SMG6: variants seen among roughly 807,000 people sequenced by gnomAD.
SMG6 encodes telomerase-binding protein EST1A.
In SMG6, 66 loss-of-function variants were observed where a neutral mutation model predicts 142.2. The ratio of observed to expected loss-of-function variants is 0.46; its 90% CI spans 0.38 to 0.57. The LOEUF (loss-of-function observed/expected upper bound fraction) is 0.57, where lower values mean the gene tolerates loss of function less well. Ranked by LOEUF, SMG6 falls within the 20% of genes least tolerant of loss-of-function variation. The pLI, the probability that SMG6 is intolerant of heterozygous loss-of-function variation, is 0.00. For missense variants in SMG6, 1,793 were observed against 1,832.0 expected (o/e 0.98, Z 0.39); for synonymous variants, 779 against 702.4 (o/e 1.11, Z -1.72).
intron 10 of SMG6, among the ~76,000 whole-genome samples, chr17:2,189,035 C>T (rs2072080790): frequency 1.3e-5 from 2 of 152,210 alleles, no homozygotes; most frequent in African/African-American, 4.8e-5. Context: ...TTACTTCCTC[C>T]ATGTCCCTCC....
At chr17:2,231,400 T>C (rs928718027) in intron 10 of SMG6, among the ~76,000 whole-genome samples, 1 of 152,112 alleles carries the variant, frequency 6.6e-6, no homozygotes, top group African/African-American at 2.4e-5. Flanking sequence ...ACTAACACCA[T>C]TCAAAGCAAG....
At chr17:2,165,754 A>T (rs938671154) in intron 13 of SMG6, among the ~76,000 whole-genome samples, 7 of 152,130 alleles carry the variant, frequency 4.6e-5, no homozygotes, top group African/African-American at 1.7e-4. Context: ...AAGTAAAAAT[A>T]ATTAGCCAGG....
chr17:2,221,950 G>T (rs1316339428), intron 10 of SMG6, among the ~76,000 whole-genome samples: 1 of 152,214 alleles, frequency 6.6e-6, no homozygotes, highest in African/African-American at 2.4e-5. Flanking sequence ...GGCCAGGCTG[G>T]TCTTGAATTC....
At chr17:2,090,744 C>G (rs1006784442) in intron 13 of SMG6, among the ~76,000 whole-genome samples, 1 of 152,196 alleles carries the variant, frequency 6.6e-6, no homozygotes. Flanking sequence ...ACACGGGTTT[C>G]CCCCCACAAA....
At chr17:2,279,136 G>A (rs764751096) in intron 8 of SMG6, among the ~76,000 whole-genome samples, 3 of 152,170 alleles carry the variant, frequency 2.0e-5, no homozygotes, top group Non-Finnish European at 2.9e-5. Context: ...ATCAGGAAAC[G>A]CTTCCTTGAA....
intron 10 of SMG6, among the ~76,000 whole-genome samples, chr17:2,227,957 G>C (rs2073365436): frequency 1.3e-5 from 2 of 152,172 alleles, no homozygotes; most frequent in Admixed American, 1.3e-4. Context: ...AACATGGACA[G>C]AACTCGCAAA....
chr17:2,258,615 CAA>C (rs2074245718), intron 8 of SMG6, among the ~76,000 whole-genome samples: 1 of 51,958 alleles, frequency 1.9e-5, no homozygotes, highest in Non-Finnish European at 3.5e-5. Context: ...CCAGCCTGGG[CAA>C]CATAGAGAGA....
intron 12 of SMG6, among the ~76,000 whole-genome samples, chr17:2,181,826 C>T (rs2071815896): frequency 6.6e-6 from 1 of 152,250 alleles, no homozygotes; most frequent in African/African-American, 2.4e-5. Flanking sequence ...AAAGAGAAAA[C>T]AGACTCAGCA....
intron 13 of SMG6, among the ~76,000 whole-genome samples, chr17:2,096,044 A>C (rs971714347): frequency 6.6e-6 from 1 of 152,054 alleles, no homozygotes; most frequent in Non-Finnish European, 1.5e-5. Flanking sequence ...TCGTCTTTTA[A>C]GCTTGGTAAG....
At chr17:2,103,125 T>C (rs1157690992) in intron 13 of SMG6, among the ~76,000 whole-genome samples, 1 of 152,214 alleles carries the variant, frequency 6.6e-6, no homozygotes. Flanking sequence ...TTCAACCAAC[T>C]GATTTCAAAT....
intron 12 of SMG6, among the ~76,000 whole-genome samples, chr17:2,181,477 CAGA>C (rs2071804134): frequency 2.6e-5 from 4 of 152,356 alleles, no homozygotes; most frequent in Non-Finnish European, 5.9e-5. Flanking sequence ...AAAGAGAGCA[CAGA>C]AGGAGATGTT....
intron 12 of SMG6, among the ~76,000 whole-genome samples, chr17:2,184,523 A>T (rs1414929868): frequency 6.6e-6 from 1 of 150,470 alleles, no homozygotes; most frequent in Non-Finnish European, 1.5e-5. Flanking sequence ...TGGGTGTGGT[A>T]GCACATGCCT....
chr17:2,103,794 G>A (rs2069077375), intron 13 of SMG6, among the ~76,000 whole-genome samples: 1 of 152,048 alleles, frequency 6.6e-6, no homozygotes, highest in Non-Finnish European at 1.5e-5. Context: ...CACTCTTTTG[G>A]GCTAACTCAT....
At chr17:2,254,672 G>A (rs537955596) in intron 8 of SMG6, among the ~76,000 whole-genome samples, 9 of 152,232 alleles carry the variant, frequency 5.9e-5, no homozygotes, top group South Asian at 2.1e-4. Flanking sequence ...TTGACACAGC[G>A]TAAGAGGGAT....
At chr17:2,188,913 T>C (rs2072075703) in intron 10 of SMG6, among the ~76,000 whole-genome samples, 2 of 152,134 alleles carry the variant, frequency 1.3e-5, no homozygotes, top group Admixed American at 6.5e-5. Flanking sequence ...TCAGTTAAGA[T>C]TGGAAAAATA....
intron 10 of SMG6, among the ~76,000 whole-genome samples, chr17:2,213,498 G>A (rs750567242): frequency 6.6e-6 from 1 of 152,144 alleles, no homozygotes; most frequent in South Asian, 2.1e-4. Flanking sequence ...TGAGTTCCAG[G>A]CCATCATTCT....
intron 12 of SMG6, among the ~76,000 whole-genome samples, chr17:2,175,256 A>C (rs1228447001): frequency 1.3e-5 from 2 of 152,140 alleles, no homozygotes; most frequent in Non-Finnish European, 2.9e-5. Context: ...AGAAGGTGAA[A>C]AGTCTCCCAG....
At chr17:2,169,372 A>G (rs916018959) in intron 13 of SMG6, among the ~76,000 whole-genome samples, 1 of 152,062 alleles carries the variant, frequency 6.6e-6, no homozygotes. Flanking sequence ...GAACTTAACG[A>G]AATACTGTAC....
intron 11 of SMG6, 25 bp downstream of exon 11, chr17:2,188,374 C>G (rs369169375): frequency 6.2e-7 from 1 of 1,604,514 alleles, no homozygotes; most frequent in African/African-American, 1.3e-5. Context: ...GAAAGCCCAC[C>G]AGGCTGGGGA....
Sources: gnomAD v4.1 joint callset for allele counts (sites outside exome capture counted in the v4.1 genomes callset) on GRCh38, gnomAD v4.1.1 for gene constraint, MANE v1.5 for transcripts, NCBI Gene and HGNC (gene_info 2026-07-23, HGNC 2026-07-21) for gene names.